KLRG1: variants seen among roughly 807,000 people sequenced by gnomAD.
KLRG1 encodes killer cell lectin like receptor G1.
Under a neutral mutation model 21.8 loss-of-function variants are expected in KLRG1, and 16 were observed. The ratio of observed to expected loss-of-function variants is 0.73; its 90% confidence interval spans 0.50 to 1.11. KLRG1 has a LOEUF of 1.11. Ranked by LOEUF, KLRG1 falls within the 50% of genes most tolerant of loss-of-function variation. KLRG1 has a pLI of 0.00. For missense variants in KLRG1, 173 were observed against 218.3 expected (o/e 0.79, Z 1.31); for synonymous variants, 69 against 75.9 (o/e 0.91, Z 0.47).
chr12:9,165,083 G>A, the KLRG1 span: 1 of 1,559,752 alleles, frequency 6.4e-7, no homozygotes, highest in Non-Finnish European at 8.8e-7. Flanking sequence ...GTAGCTGACT[G>A]ATCAAAGGAA....
chr12:9,162,850 G>T, the KLRG1 span, among the ~76,000 whole-genome samples: 7 of 152,128 alleles, frequency 4.6e-5, no homozygotes, highest in African/African-American at 1.7e-4. Flanking sequence ...GTGCCATGGT[G>T]GTTTGCTGCA....
the KLRG1 span, among the ~76,000 whole-genome samples, chr12:9,117,601 G>A: frequency 2.0e-5 from 3 of 152,160 alleles, no homozygotes; most frequent in Non-Finnish European, 2.9e-5. Context: ...GGGAGCAGAA[G>A]GAGGACAGAA....
At chr12:9,072,182 C>G in the KLRG1 span, among the ~76,000 whole-genome samples, 1 of 152,148 alleles carries the variant, frequency 6.6e-6, no homozygotes, top group African/African-American at 2.4e-5. Context: ...AATAGTAGAT[C>G]CTGGATGGAC....
chr12:8,955,712 T>A (rs942341116), intron 1 of KLRG1, among the ~76,000 whole-genome samples: 3 of 152,244 alleles, frequency 2.0e-5, no homozygotes, highest in South Asian at 2.1e-4. Flanking sequence ...TTCTTTTTTT[T>A]AAATTATAGA....
chr12:8,978,081 A>AT (rs893438038), intron 1 of KLRG1, among the ~76,000 whole-genome samples: 3 of 151,844 alleles, frequency 2.0e-5, no homozygotes, highest in Admixed American at 6.6e-5. Flanking sequence ...ACAAATCTTT[A>AT]TTTTTTTTAA....
the KLRG1 span, among the ~76,000 whole-genome samples, chr12:9,075,424 C>T: frequency 6.6e-6 from 1 of 151,990 alleles, no homozygotes; most frequent in Admixed American, 6.6e-5. Context: ...TTCATTGCAG[C>T]ATTTTTTTTA....
At chr12:9,000,271 C>T (rs993137775) in intron 3 of KLRG1, among the ~76,000 whole-genome samples, 1 of 152,116 alleles carries the variant, frequency 6.6e-6, no homozygotes, top group African/African-American at 2.4e-5. Context: ...CTCTGGAGGT[C>T]TTCACAGTCT....
At chr12:9,000,497 A>G (rs190679135) in intron 3 of KLRG1, among the ~76,000 whole-genome samples, 327 of 152,324 alleles carry the variant, frequency 2.1e-3, no homozygotes, top group African/African-American at 7.3e-3. Context: ...TTGTACAACC[A>G]TCACTACCAT....
At chr12:9,103,029 A>T in the KLRG1 span, among the ~76,000 whole-genome samples, 1 of 152,200 alleles carries the variant, frequency 6.6e-6, no homozygotes, top group African/African-American at 2.4e-5. Context: ...CTCTTGATGA[A>T]TAGAGGACTG....
chr12:9,147,230 A>G, the KLRG1 span, among the ~76,000 whole-genome samples: 3 of 152,184 alleles, frequency 2.0e-5, no homozygotes, highest in African/African-American at 7.2e-5. Flanking sequence ...AGTGCCTACC[A>G]GTCCAACTTG....
the KLRG1 span, among the ~76,000 whole-genome samples, chr12:9,110,814 A>T: frequency 6.6e-6 from 1 of 152,160 alleles, no homozygotes; most frequent in Non-Finnish European, 1.5e-5. Flanking sequence ...AGAACTTTTC[A>T]TTAATCTATT....
Position 8,953,752 on chromosome 12 carries a change from A to G in KLRG1, c.-156+3516A>G, listed in dbSNP as rs780546144. On this transcript the variant is annotated intron_variant, in intron 1 of 4. Transcript: ENST00000539240. ...GATTTTAACAGGAAAAATTTAAAGAATTATTTTCTAGTAAAAGATGATCAG... is the reference window on the plus strand; with the variant it reads ...GATTTTAACAGGAAAAATTTAAAGAGTTATTTTCTAGTAAAAGATGATCAG... 1.9e-3 allele frequency among the ~76,000 whole-genome samples: 291 copies of G among 152,292 alleles called. 1 individual carries two copies. Among genetic ancestry groups the G allele is most frequent in the Non-Finnish European group, 2.3e-3 (159 of 68,028 alleles).
chr12:9,180,889 G>T, the KLRG1 span: 4 of 1,385,784 alleles, frequency 2.9e-6, no homozygotes, highest in Non-Finnish European at 2.9e-6. Context: ...GAAAATTTTC[G>T]CAACCTACTC....
the KLRG1 span, among the ~76,000 whole-genome samples, chr12:9,131,369 G>A: frequency 3.3e-5 from 5 of 152,106 alleles, no homozygotes; most frequent in Non-Finnish European, 5.9e-5. Context: ...ATATGTTGGG[G>A]ACAGCTTTCC....
At chr12:9,162,420 G>A in the KLRG1 span, 2 of 580,586 alleles carry the variant, frequency 3.4e-6, no homozygotes, top group Non-Finnish European at 6.1e-6. Flanking sequence ...ACATTAACTT[G>A]CTCTCTTGGG....
At chr12:9,165,030 C>A in the KLRG1 span, 1 of 1,344,800 alleles carries the variant, frequency 7.4e-7, no homozygotes. Context: ...ACAGTGCTAA[C>A]ACACAATCCC....
At chr12:9,039,409 G>C in the KLRG1 span, among the ~76,000 whole-genome samples, 4 of 152,140 alleles carry the variant, frequency 2.6e-5, no homozygotes, top group East Asian at 1.9e-4. Context: ...CAGAAACTTA[G>C]GATTGACAAA....
At chr12:9,064,678 G>C in the KLRG1 span, 121 of 154,506 alleles carry the variant, frequency 7.8e-4, no homozygotes, top group African/African-American at 2.8e-3. This position sits in a 1 kb window ranked among gnomAD's most constrained non-coding sequence, Gnocchi z 4.0. Context: ...AGGGGAAGCA[G>C]TGTAGTCGGG....
At chr12:8,951,314 A>AG (rs1946199943) in intron 1 of KLRG1, among the ~76,000 whole-genome samples, 1 of 151,648 alleles carries the variant, frequency 6.6e-6, no homozygotes. Context: ...CTTTCAAAAA[A>AG]AAAAATCAGC....
Sources: allele counts gnomAD v4.1 joint callset (sites outside exome capture counted in the v4.1 genomes callset), GRCh38; gene constraint gnomAD v4.1.1; non-coding constraint Gnocchi (gnomAD v3.1); transcripts MANE v1.5; gene names NCBI Gene and HGNC (gene_info 2026-07-23, HGNC 2026-07-21).